Variants in UHRF1 observed in about 807,000 individuals in gnomAD.
UHRF1 encodes ubiquitin like with PHD and ring finger domains 1.
In UHRF1, 9 loss-of-function variants were observed where a neutral mutation model predicts 96.5. The observed-to-expected ratio is 0.09, with a 90% CI of 0.06 to 0.16. The LOEUF is 0.16. Ranked by LOEUF, UHRF1 falls within the 10% of genes least tolerant of loss-of-function variation. UHRF1 has a pLI of 1.00. For missense variants in UHRF1, 626 were observed against 1,131.1 expected (o/e 0.55, Z 6.40); for synonymous variants, 455 against 469.9 (o/e 0.97, Z 0.41).
rs763677302 is a variant in UHRF1 at position 4,950,638 on chromosome 19, C to T, written c.1545C>T (p.Pro515=). Residue 515 remains proline, a synonymous_variant, in exon 12 of 17, where the codon CCC becomes CCT. Coordinates refer to ENST00000650932, the MANE Select transcript of UHRF1 (RefSeq NM_001048201.3). ...CGCTGGCTCTCAACTGCTTTGCTCC[C>T]ATCAATGACCAAGAAGGGGCCGAGG... ...NRALALNCFA[P]INDQEGAEAK... is the part of the protein sequence containing the mutation. 16 of 1,612,576 alleles carry T rather than the reference C, an allele frequency of 9.9e-6. No homozygotes were observed. Among genetic ancestry groups the T allele is most frequent in the Non-Finnish European group, 1.3e-5 (15 of 1,179,724 alleles).
intron 10 of UHRF1, among the ~76,000 whole-genome samples, chr19:4,946,784 C>A (rs1024868554): frequency 6.6e-6 from 1 of 152,086 alleles, no homozygotes; most frequent in Admixed American, 6.6e-5. Flanking sequence ...CCATGTTGCC[C>A]AGGCTGATCT....
chr19:4,957,830 G>A (rs1377609271), intron 16 of UHRF1, among the ~76,000 whole-genome samples: 1 of 152,182 alleles, frequency 6.6e-6, no homozygotes, highest in African/African-American at 2.4e-5. Context: ...GTCCCCTGGG[G>A]GCAGAACTGC....
At chr19:4,940,285 C>G (rs948205631) in intron 5 of UHRF1, among the ~76,000 whole-genome samples, 1 of 149,520 alleles carries the variant, frequency 6.7e-6, no homozygotes, top group South Asian at 2.1e-4. Context: ...GATTATTGAT[C>G]TCGGGGGATC....
upstream of UHRF1, among the ~76,000 whole-genome samples, chr19:4,908,479 C>G (rs1291256933): frequency 6.6e-6 from 1 of 152,128 alleles, no homozygotes; most frequent in Non-Finnish European, 1.5e-5. Context: ...CTCCCCTTTG[C>G]TCAGTGGGCC....
chr19:4,907,258 C>T (rs963147064), upstream of UHRF1, among the ~76,000 whole-genome samples: 47 of 151,722 alleles, frequency 3.1e-4, no homozygotes, highest in African/African-American at 1.1e-3. Flanking sequence ...TATAGGCACA[C>T]ACCACCCTGC....
At chr19:4,915,311 G>T (rs942599524) in intron 2 of UHRF1, among the ~76,000 whole-genome samples, 16 of 152,206 alleles carry the variant, frequency 1.1e-4, no homozygotes, top group African/African-American at 3.9e-4. Context: ...CCTGGTAGAG[G>T]GCGCGGCCTC....
At chr19:4,909,812 C>T (rs1568403525) in intron 1 of UHRF1, 157 bp downstream of exon 1, 2 of 433,580 alleles carry the variant, frequency 4.6e-6, no homozygotes, top group South Asian at 5.4e-5. Context: ...CCTCGGGAAT[C>T]GTTCCCCGGC....
chr19:4,926,455 T>G (rs1186981111), intron 2 of UHRF1, among the ~76,000 whole-genome samples: 5 of 152,214 alleles, frequency 3.3e-5, no homozygotes, highest in Non-Finnish European at 7.3e-5. Context: ...GGGCCCTCGA[T>G]GTCCACGGTG....
chr19:4,931,702 C>T lies in UHRF1; in HGVS notation c.569+826C>T, dbSNP rs542859825. On this transcript the variant is annotated intron_variant, in intron 4 of 16. Transcript: ENST00000650932. ...GAGGCTGGTCTCAAACTTCTGACCTCGTGTTCCGCCCGCCTCAGCCTCCCA... is the reference window on the plus strand; with the variant it reads ...GAGGCTGGTCTCAAACTTCTGACCTTGTGTTCCGCCCGCCTCAGCCTCCCA... Among the ~76,000 whole-genome samples, 10 of 151,766 alleles carry T rather than the reference C, an allele frequency of 6.6e-5. No homozygotes were observed. The East Asian group carries it at 9.8e-4, about 15-fold the overall frequency.
chr19:4,909,357 C>G (rs867816141), upstream of UHRF1: 3 of 607,248 alleles, frequency 4.9e-6, no homozygotes, highest in Middle Eastern at 2.8e-4. Flanking sequence ...GCGGAGGCGC[C>G]GTGGACAGAG....
At chr19:4,934,424 C>T (rs2033157103) in intron 5 of UHRF1, among the ~76,000 whole-genome samples, 2 of 152,158 alleles carry the variant, frequency 1.3e-5, no homozygotes, top group African/African-American at 4.8e-5. Context: ...AGCACTTTGT[C>T]CTCTTCCCAA....
intron 5 of UHRF1, among the ~76,000 whole-genome samples, chr19:4,933,754 G>A (rs1454591333): frequency 5.9e-5 from 9 of 152,130 alleles, no homozygotes; most frequent in African/African-American, 1.9e-4. Flanking sequence ...GGCCTGCTGT[G>A]GTCCGCTGCC....
At chr19:4,912,013 G>T (rs964546297) in intron 2 of UHRF1, among the ~76,000 whole-genome samples, 4 of 152,182 alleles carry the variant, frequency 2.6e-5, no homozygotes, top group African/African-American at 9.7e-5. Context: ...AGGGGTTTTT[G>T]GGGGCTGGGA....
chr19:4,930,744 C>T lies in UHRF1; in HGVS notation c.437C>T (p.Thr146Met), dbSNP rs1226717224. The change falls in exon 4 of 17, where the codon ACG becomes ATG. Residue 146 changes from threonine (T) to methionine (M), a missense_variant. Physicochemically the swap from Thr to Met is moderately conservative, Grantham distance 81. Coordinates refer to ENST00000650932, the MANE Select transcript of UHRF1 (RefSeq NM_001048201.3). The surrounding 1 kb of genome is among the most constrained non-coding windows in gnomAD (Gnocchi z 4.4). ...AATGAGTACGTCGATGCTCGGGACA[C>T]GAACATGGGGGCGTGGTTTGAGGCG... ...KVNEYVDARD[T>M]NMGAWFEAQV... The T allele has an allele frequency of 8.7e-6, 14 of 1,613,808 alleles. No homozygotes were observed. The highest frequency in any genetic ancestry group is 1.6e-4 in the Middle Eastern group (1 of 6,084).
chr19:4,905,061 C>T (rs1047564993), upstream of UHRF1, among the ~76,000 whole-genome samples: 4 of 149,982 alleles, frequency 2.7e-5, no homozygotes, highest in African/African-American at 9.8e-5. Context: ...CCACGGGCCA[C>T]ATTTGGCCCA....
chr19:4,929,564 T>G, intron 3 of UHRF1, 88 bp downstream of exon 3: 1 of 1,519,562 alleles, frequency 6.6e-7, no homozygotes, highest in Non-Finnish European at 8.9e-7. Context: ...AGGAGGGGCT[T>G]CCCACGCGCC....
At position 4,930,859 on chromosome 19, in the gene UHRF1, C is replaced by T. The variant is rs781108702; in HGVS notation, c.552C>T (p.Tyr184=). The change falls in exon 4 of 17, where the codon TAC becomes TAT. Residue 184 remains tyrosine, a synonymous_variant. Transcript: ENST00000650932. This position sits in a 1 kb window ranked among gnomAD's most constrained non-coding sequence, Gnocchi z 4.4. The part of the protein sequence containing the change: ...SRPALEEDVI[Y]HVKYDDYPEN... Reference sequence around the variant, plus strand: ...CGGCGCTGGAGGAGGACGTCATTTACCACGTGAAATACGACGAGTGAGTCA... The same window carrying T: ...CGGCGCTGGAGGAGGACGTCATTTATCACGTGAAATACGACGAGTGAGTCA... The T allele has an allele frequency of 1.2e-6, 2 of 1,613,946 alleles. No individual in the cohort carries two copies. Among genetic ancestry groups the T allele is most frequent in the East Asian group, 2.2e-5 (1 of 44,892 alleles).
At chr19:4,946,054 C>T (rs2033556507) in intron 10 of UHRF1, 89 bp downstream of exon 10, 1 of 1,046,808 alleles carries the variant, frequency 9.6e-7, no homozygotes, top group Admixed American at 2.5e-5. Context: ...CCCATCCTAG[C>T]CGTTTTTAAA....
At position 4,947,490 on chromosome 19, in the gene UHRF1, CTTTTTTTTT is replaced by C. The variant is rs985069179; in HGVS notation, c.1517+300_1517+308del. On this transcript the variant is annotated intron_variant, in intron 11 of 16. Coordinates refer to ENST00000650932, the MANE Select transcript of UHRF1 (RefSeq NM_001048201.3). ...CTATAAAAGGCCAGATAATAGATAT[CTTTTTTTTT>C]TTTTTTTTTTTTTTTTTTTTGGGCA... Among the ~76,000 whole-genome samples the C allele has an allele frequency of 5.8e-3, 335 of 57,900 alleles. 1 individual carries two copies. The highest frequency in any genetic ancestry group is 0.02 in the African/African-American group (295 of 14,982). 38.0% of individuals were successfully genotyped at this position (57,900 alleles called of 152,430 possible).
Sources: gnomAD v4.1 joint callset for allele counts (sites outside exome capture counted in the v4.1 genomes callset) on GRCh38, gnomAD v4.1.1 for gene constraint, Gnocchi (gnomAD v3.1) non-coding constraint, MANE v1.5 for transcripts, NCBI Gene and HGNC (gene_info 2026-07-23, HGNC 2026-07-21) for gene names.